Variants in MMP24 observed in about 807,000 individuals in gnomAD.
MMP24 encodes matrix metallopeptidase 24, also known as matrix metalloproteinase-24.
In MMP24, 25 loss-of-function variants were observed where a neutral mutation model predicts 62.8. That is an observed-to-expected ratio of 0.40 (90% confidence interval 0.29 to 0.56). MMP24 has a LOEUF of 0.56. MMP24 is among the 20% of genes least tolerant of loss of function. The probability of loss-of-function intolerance (pLI) is 0.50; values close to 1 mark genes in which losing one functional copy is unlikely to be tolerated. For synonymous variants in MMP24, 319 were observed against 350.5 expected, an observed-to-expected ratio of 0.91 and a Z score of 1.00; for missense variants, 634 against 853.6, an observed-to-expected ratio of 0.74 and a Z score of 3.21.
chr20:35,238,532 A>G (rs1391518188), intron 1 of MMP24, among the ~76,000 whole-genome samples: 2 of 152,192 alleles, frequency 1.3e-5, no homozygotes, highest in Non-Finnish European at 1.5e-5. Context: ...ACTGGAACTC[A>G]CTGGAACACA....
At chr20:35,249,755 ATT>A (rs887475693) in intron 2 of MMP24, among the ~76,000 whole-genome samples, 1 of 145,396 alleles carries the variant, frequency 6.9e-6, no homozygotes. Context: ...CGCCCGGCTA[ATT>A]TTTTTTTTTT....
intron 6 of MMP24, 57 bp downstream of exon 6, chr20:35,267,476 C>T (rs368345092): frequency 8.8e-6 from 13 of 1,483,958 alleles, no homozygotes; most frequent in South Asian, 3.7e-5. Flanking sequence ...TCCTCCTCCC[C>T]GACATCATGG....
chr20:35,252,080 T>C (rs2060550576), intron 3 of MMP24, 59 bp downstream of exon 3: 6 of 1,379,028 alleles, frequency 4.4e-6, no homozygotes, highest in Admixed American at 1.7e-5. Context: ...CTGTTTTTCC[T>C]GGCCTGAGTT....
intron 4 of MMP24, among the ~76,000 whole-genome samples, chr20:35,262,230 G>C (rs542148326): frequency 1.3e-5 from 2 of 152,260 alleles, no homozygotes; most frequent in Admixed American, 1.3e-4. Flanking sequence ...AAAGAAATAA[G>C]GGGACCCAGG....
intron 1 of MMP24, among the ~76,000 whole-genome samples, chr20:35,234,919 CAG>C (rs1474332271): frequency 1.3e-5 from 2 of 152,114 alleles, no homozygotes; most frequent in Non-Finnish European, 2.9e-5. Context: ...CAAAAGAAAA[CAG>C]GGCTGGAAAG....
At chr20:35,253,269 A>ATTTTTTTTTTTTTTT (rs2060557038) in intron 3 of MMP24, among the ~76,000 whole-genome samples, 3 of 62,528 alleles carry the variant, frequency 4.8e-5, no homozygotes, top group African/African-American at 2.6e-4. Context: ...ACAGAACGGG[A>ATTTTTTTTTTTTTTT]CTTTTTTTTT....
In MMP24 at chr20:35,275,949, A is replaced by G. The variant is rs1391784481; in HGVS notation, c.*1340A>G. 2 of 398,422 alleles carry G rather than the reference A, an allele frequency of 5.0e-6. No homozygotes were observed. Among genetic ancestry groups the G allele is most frequent in the African/African-American group, 2.1e-5 (1 of 48,620 alleles). 24.7% of individuals were successfully genotyped at this position (398,422 alleles called of 1,614,324 possible). On this transcript the variant is annotated 3_prime_UTR_variant, in exon 9 of 9. Transcript: ENST00000246186. ...TAGGGCTTGGCCTGCCTTGCTCCACAGTACGGCGGAGGCAGCCCTGCTTGT... is the reference window on the plus strand; with the variant it reads ...TAGGGCTTGGCCTGCCTTGCTCCACGGTACGGCGGAGGCAGCCCTGCTTGT...
At chr20:35,268,821 A>G (rs1333675834) in intron 6 of MMP24, among the ~76,000 whole-genome samples, 1 of 152,054 alleles carries the variant, frequency 6.6e-6, no homozygotes, top group Non-Finnish European at 1.5e-5. Flanking sequence ...AGGTCAGGAG[A>G]TCAAGACCAT....
At position 35,271,956 on chromosome 20, in the gene MMP24, C is replaced by A; in HGVS notation, c.1600+121C>A. 9.1e-7 allele frequency: 1 copy of A among 1,102,978 alleles called. No homozygotes were observed. The highest frequency in any genetic ancestry group is 3.0e-4 in the Middle Eastern group (1 of 3,294). 68.3% of individuals were successfully genotyped at this position (1,102,978 alleles called of 1,614,324 possible). ...GTTTGAAAAAACACCTGGTGGCAGA[C>A]AACTGCCTCATATCTACCCATGTTC... On this transcript the variant is annotated intron_variant, in intron 8 of 8. Coordinates refer to ENST00000246186, the MANE Select transcript of MMP24 (RefSeq NM_006690.4). The surrounding 1 kb of genome is among the most constrained non-coding windows in gnomAD (Gnocchi z 4.0).
chr20:35,259,270 C>T (rs1389039426), intron 4 of MMP24, among the ~76,000 whole-genome samples: 2 of 152,182 alleles, frequency 1.3e-5, no homozygotes, highest in African/African-American at 2.4e-5. Context: ...CCCAGGACTC[C>T]GCATTTTTAA....
intron 4 of MMP24, 35 bp downstream of exon 4, chr20:35,254,789 C>A: frequency 6.4e-7 from 1 of 1,564,716 alleles, no homozygotes; most frequent in Non-Finnish European, 8.7e-7. Flanking sequence ...CAGTCTTGGG[C>A]TGCTCAGTTG....
intron 5 of MMP24, among the ~76,000 whole-genome samples, chr20:35,266,948 C>G (rs1048267136): frequency 6.6e-6 from 1 of 151,846 alleles, no homozygotes; most frequent in African/African-American, 2.4e-5. Flanking sequence ...AGCGCTGACC[C>G]TAAGGAAGGA....
intron 1 of MMP24, among the ~76,000 whole-genome samples, chr20:35,246,454 C>T (rs368743981): frequency 1.0e-3 from 155 of 152,156 alleles, no homozygotes; most frequent in African/African-American, 3.5e-3. Flanking sequence ...TCCAGCCTGG[C>T]GACAAAGCTG....
intron 2 of MMP24, among the ~76,000 whole-genome samples, chr20:35,250,677 C>T (rs971820474): frequency 6.6e-6 from 1 of 151,806 alleles, no homozygotes; most frequent in Non-Finnish European, 1.5e-5. Context: ...TGGCTGGGGA[C>T]GCCTCAGGAA....
chr20:35,230,815 A>T (rs2060434384), intron 1 of MMP24, among the ~76,000 whole-genome samples: 1 of 152,132 alleles, frequency 6.6e-6, no homozygotes, highest in Non-Finnish European at 1.5e-5. Flanking sequence ...AACTTTTCCT[A>T]GTTCTCCTGA....
intron 1 of MMP24, among the ~76,000 whole-genome samples, chr20:35,239,353 C>CT (rs1568610457): frequency 6.6e-6 from 1 of 151,710 alleles, no homozygotes; most frequent in Non-Finnish European, 1.5e-5. Context: ...CAATTTTTTT[C>CT]TTTTTTTGTA....
rs192966167 is a variant in MMP24 at position 35,243,284 on chromosome 20, T to C, written c.247-3556T>C. ...AGGCTTAGCTTAAATCTCATCTCTATCTGGAAGCCGTCCCTGAGTTCCCCT... is the reference window on the plus strand; with the variant it reads ...AGGCTTAGCTTAAATCTCATCTCTACCTGGAAGCCGTCCCTGAGTTCCCCT... On this transcript the variant is annotated intron_variant, in intron 1 of 8. Transcript: ENST00000246186. Among the ~76,000 whole-genome samples the C allele has an allele frequency of 4.6e-3, 694 of 152,220 alleles. 3 individuals carry two copies. The highest frequency in any genetic ancestry group is 0.01 in the South Asian group (50 of 4,808).
intron 1 of MMP24, among the ~76,000 whole-genome samples, chr20:35,231,822 C>T (rs1164727196): frequency 6.6e-6 from 1 of 152,144 alleles, no homozygotes; most frequent in Admixed American, 6.6e-5. Context: ...GAGGCCGAGG[C>T]AGGTGGATCA....
intron 2 of MMP24, among the ~76,000 whole-genome samples, chr20:35,251,193 A>G (rs2060544407): frequency 6.8e-6 from 1 of 147,382 alleles, no homozygotes; most frequent in Non-Finnish European, 1.5e-5. Flanking sequence ...ATCTTGGTTC[A>G]CTGCAACCTC....
Sources: allele counts gnomAD v4.1 joint callset (sites outside exome capture counted in the v4.1 genomes callset), GRCh38; gene constraint gnomAD v4.1.1; non-coding constraint Gnocchi (gnomAD v3.1); transcripts MANE v1.5; gene names NCBI Gene and HGNC (gene_info 2026-07-23, HGNC 2026-07-21).